The following PSD3 variants were observed in gnomAD, a reference collection of about 807,000 sequenced individuals.
PSD3 encodes the protein PH and SEC7 domain-containing protein 3.
Under a neutral mutation model 105.5 loss-of-function variants are expected in PSD3, and 49 were observed. That is an observed-to-expected ratio of 0.46 (90% CI 0.37 to 0.59). PSD3 has a LOEUF of 0.59. Ranked by LOEUF, PSD3 falls within the 20% of genes least tolerant of loss-of-function variation. PSD3 has a pLI of 0.00. For synonymous variants in PSD3, 557 were observed against 457.8 expected (o/e 1.22, Z -2.77); for missense variants, 1,561 against 1,263.8 (o/e 1.24, Z -3.57).
intron 4 of PSD3, among the ~76,000 whole-genome samples, chr8:18,806,107 A>G (rs1811171164): frequency 6.6e-6 from 1 of 152,312 alleles, no homozygotes; most frequent in African/African-American, 2.4e-5. Context: ...CTGAAATGAA[A>G]TAAACTGTAC....
rs1803870979 is a variant in PSD3 at position 18,594,238 on chromosome 8, ATTAT to A, written c.2481+6122_2481+6125del. Among the ~76,000 whole-genome samples, 2 of 4,336 alleles carry A rather than the reference ATTAT, an allele frequency of 4.6e-4. 1 individual carries two copies. Among genetic ancestry groups the A allele is most frequent in the Non-Finnish European group, 1.2e-3 (2 of 1,694 alleles). 2.8% of individuals were successfully genotyped at this position (4,336 alleles called of 152,430 possible). A position where few individuals can be genotyped will look rare whatever the true frequency, so the allele number is the denominator to read the frequency against. On this transcript the variant is annotated intron_variant, in intron 12 of 15. Transcript: ENST00000327040. ...TTATTATATATATTATATAATATAT[ATTAT>A]TATATATATTATATAATATATATTA...
chr8:18,707,384 C>T (rs1412498153), intron 9 of PSD3, among the ~76,000 whole-genome samples: 1 of 152,148 alleles, frequency 6.6e-6, no homozygotes, highest in Non-Finnish European at 1.5e-5. Flanking sequence ...AAGAAGTGTT[C>T]ATGAAATTGA....
chr8:18,640,843 GC>G (rs1159505584), intron 10 of PSD3, among the ~76,000 whole-genome samples: 1 of 152,116 alleles, frequency 6.6e-6, no homozygotes, highest in Non-Finnish European at 1.5e-5. Context: ...CTCGACACTT[GC>G]CCCCACTACT....
chr8:19,031,560 GA>G (rs33988721), intron 1 of PSD3, among the ~76,000 whole-genome samples: 72,358 of 151,808 alleles, frequency 0.48, 17,610 homozygotes, highest in Non-Finnish European at 0.52. Flanking sequence ...AGAACAATCT[GA>G]AAAAAGTATC....
chr8:18,962,502 GA>G (rs959645845), intron 1 of PSD3, among the ~76,000 whole-genome samples: 6 of 151,610 alleles, frequency 4.0e-5, no homozygotes, highest in African/African-American at 9.7e-5. Flanking sequence ...TAATATTTTG[GA>G]AAAAAAATGG....
At chr8:18,589,234 G>C (rs1177882202) in intron 12 of PSD3, among the ~76,000 whole-genome samples, 1 of 152,070 alleles carries the variant, frequency 6.6e-6, no homozygotes, top group Non-Finnish European at 1.5e-5. Context: ...GACTCCATAG[G>C]AAAATAAAGA....
chr8:18,976,133 A>T (rs11204010), intron 1 of PSD3, among the ~76,000 whole-genome samples: 16,630 of 152,234 alleles, frequency 0.11, 1,163 homozygotes, highest in Non-Finnish European at 0.16. Flanking sequence ...AAATACAGTC[A>T]TTAAAATGCT....
chr8:18,834,856 C>A (rs1813974755), intron 4 of PSD3, among the ~76,000 whole-genome samples: 1 of 152,118 alleles, frequency 6.6e-6, no homozygotes, highest in Non-Finnish European at 1.5e-5. Context: ...TGACATCCAT[C>A]CAATACAATT....
chr8:18,651,743 G>T (rs1306677282), intron 10 of PSD3, among the ~76,000 whole-genome samples: 3 of 152,172 alleles, frequency 2.0e-5, no homozygotes, highest in East Asian at 3.8e-4. Flanking sequence ...AAAACTTCAA[G>T]AAAACAGATG....
chr8:18,565,543 G>C (rs1408452007), intron 14 of PSD3, among the ~76,000 whole-genome samples: 1 of 151,916 alleles, frequency 6.6e-6, no homozygotes, highest in Non-Finnish European at 1.5e-5. Flanking sequence ...AAATGACAGG[G>C]TGACAAACAC....
At chr8:18,829,655 C>T (rs1408108717) in intron 4 of PSD3, among the ~76,000 whole-genome samples, 1 of 152,124 alleles carries the variant, frequency 6.6e-6, no homozygotes, top group African/African-American at 2.4e-5. Flanking sequence ...TCCTGCAAGG[C>T]TCAAATCAGA....
chr8:18,531,940 C>A lies in PSD3; in HGVS notation c.*3803G>T, dbSNP rs865920048. ...GGAGTTAAATTACAGAGATTCAAAC[C>A]TGCAAAGCTAAACTTCTGTGAATTC... On this transcript the variant is annotated 3_prime_UTR_variant, in exon 16 of 16. Transcript: ENST00000327040. 19 of 152,324 alleles carry A rather than the reference C, an allele frequency of 1.2e-4. No individual in the cohort carries two copies. The highest frequency in any genetic ancestry group is 4.3e-4 in the African/African-American group (18 of 41,578). The allele number at this position is 152,324 out of a possible 1,614,324, so 9.4% of individuals were successfully genotyped here.
intron 9 of PSD3, among the ~76,000 whole-genome samples, chr8:18,761,633 A>G (rs1806544982): frequency 6.6e-6 from 1 of 152,204 alleles, no homozygotes; most frequent in South Asian, 2.1e-4. Context: ...CCTACAATAC[A>G]GAGCTAGCCT....
chr8:18,754,368 G>C (rs188138772), intron 9 of PSD3, among the ~76,000 whole-genome samples: 226 of 152,062 alleles, frequency 1.5e-3, no homozygotes, highest in Non-Finnish European at 2.4e-3. Context: ...TGGGCGACAG[G>C]GTGAGACTCC....
At chr8:18,938,761 G>A (rs966682724) in intron 1 of PSD3, among the ~76,000 whole-genome samples, 8 of 152,236 alleles carry the variant, frequency 5.3e-5, no homozygotes, top group Middle Eastern at 3.4e-3. Context: ...ACAATCCTAT[G>A]AGGTGGGGGC....
chr8:18,543,695 A>G (rs1585206575), intron 15 of PSD3, among the ~76,000 whole-genome samples: 1 of 152,140 alleles, frequency 6.6e-6, no homozygotes, highest in Admixed American at 6.5e-5. Flanking sequence ...ACTAGCATCA[A>G]TGTCTACGAG....
chr8:18,535,941 C>T lies in PSD3; in HGVS notation c.2946G>A (p.Met982Ile), dbSNP rs762698574. The stretch of plus-strand genomic sequence containing the variant: ...CTCCTTCCTTGAGAATGCTGACATA[C>T]ATTTCATAGCGGGTTTTCTGAAGGC... The part of the protein sequence containing the change: ...YLEFEKTRYE[M>I]YVSILKEGGK... The change falls in exon 16 of 16, where the codon ATG becomes ATA. Residue 982 changes from methionine (M) to isoleucine (I), a missense_variant. By Grantham distance (10) the Met-to-Ile change is conservative. Coordinates refer to ENST00000327040, the MANE Select transcript of PSD3 (RefSeq NM_015310.4). 4 of 1,614,120 alleles carry T rather than the reference C, an allele frequency of 2.5e-6. No homozygotes were observed. The South Asian group carries it at 3.3e-5, about 13-fold the overall frequency.
chr8:18,718,951 A>T (rs1802774040), intron 9 of PSD3, among the ~76,000 whole-genome samples: 1 of 152,166 alleles, frequency 6.6e-6, no homozygotes, highest in Admixed American at 6.6e-5. Context: ...TCTCCACTTG[A>T]CTGCTACAAT....
At chr8:19,081,223 C>G (rs538802910) in intron 1 of PSD3, among the ~76,000 whole-genome samples, 26 of 148,390 alleles carry the variant, frequency 1.8e-4, no homozygotes, top group African/African-American at 6.7e-4. Flanking sequence ...TCCCCAACAC[C>G]TAGGCCTTCA....
Sources: gnomAD v4.1 joint callset for allele counts (sites outside exome capture counted in the v4.1 genomes callset) on GRCh38, gnomAD v4.1.1 for gene constraint, MANE v1.5 for transcripts, NCBI Gene and HGNC (gene_info 2026-07-23, HGNC 2026-07-21) for gene names.